The following GABRG3 variants were observed in gnomAD, a reference collection of about 807,000 sequenced individuals.
The protein encoded by GABRG3 is gamma-aminobutyric acid type A receptor subunit gamma3, also known as gamma-aminobutyric acid receptor subunit gamma-3.
A neutral mutation model predicts 48.8 loss-of-function variants in GABRG3; 25 were observed. The observed-to-expected ratio is 0.51, with a 90% confidence interval of 0.37 to 0.72. The LOEUF is 0.72. Among genes scored for constraint, GABRG3 ranks in the 30% least tolerant of loss-of-function variants. The pLI, the probability that GABRG3 is intolerant of heterozygous loss-of-function variation, is 0.00. For synonymous variants in GABRG3, 227 were observed against 217.6 expected (o/e 1.04, Z -0.38); for missense variants, 394 against 577.9 (o/e 0.68, Z 3.26).
intron 3 of GABRG3, among the ~76,000 whole-genome samples, chr15:27,086,003 G>A (rs1897069819): frequency 6.6e-6 from 1 of 151,992 alleles, no homozygotes; most frequent in Non-Finnish European, 1.5e-5. Context: ...CATTATATAT[G>A]GCAGAGCTCA....
chr15:27,008,174 C>T (rs1895622366), intron 2 of GABRG3, among the ~76,000 whole-genome samples: 1 of 152,128 alleles, frequency 6.6e-6, no homozygotes, highest in African/African-American at 2.4e-5. Context: ...AAAATAACAA[C>T]AGAAAAATTC....
intron 3 of GABRG3, among the ~76,000 whole-genome samples, chr15:27,189,498 T>C (rs1305468765): frequency 6.6e-6 from 1 of 151,978 alleles, no homozygotes. Flanking sequence ...CAATTGTGAA[T>C]GGGAGTTCAC....
chr15:27,206,714 T>C (rs1888863105), intron 3 of GABRG3, among the ~76,000 whole-genome samples: 1 of 152,188 alleles, frequency 6.6e-6, no homozygotes. Flanking sequence ...TACAAACTTG[T>C]TTTATGAGTC....
At chr15:27,393,312 C>T (rs372839814) in intron 5 of GABRG3, among the ~76,000 whole-genome samples, 3 of 149,374 alleles carry the variant, frequency 2.0e-5, no homozygotes, top group East Asian at 4.0e-4. Context: ...TCACTGCACT[C>T]CAGCCTGGGT....
intron 5 of GABRG3, among the ~76,000 whole-genome samples, chr15:27,425,326 G>T (rs1595746480): frequency 6.6e-6 from 1 of 151,978 alleles, no homozygotes; most frequent in South Asian, 2.1e-4. Flanking sequence ...GGGGATCCCT[G>T]ACCTTGCAGT....
At chr15:27,373,223 T>C (rs1341228488) in intron 5 of GABRG3, among the ~76,000 whole-genome samples, 4 of 152,206 alleles carry the variant, frequency 2.6e-5, no homozygotes, top group Non-Finnish European at 5.9e-5. Context: ...GCTTCTAAAT[T>C]ATAATTTTCA....
chr15:27,486,347 G>A lies in GABRG3; in HGVS notation c.712+5560G>A, dbSNP rs182696827. ...TATAGTCAAAACAATCAGGAGAAAG[G>A]CTGCTCTCGCATGGCTATGGCAAAA... On this transcript the variant is annotated intron_variant, in intron 6 of 9. Transcript: ENST00000615808. Among the ~76,000 whole-genome samples, 7 of 152,264 alleles carry A rather than the reference G, an allele frequency of 4.6e-5. No individual in the cohort carries two copies. In the South Asian group the frequency reaches 1.0e-3, roughly 23 times the overall value.
chr15:27,285,075 C>T (rs117564198), intron 3 of GABRG3, among the ~76,000 whole-genome samples: 8,211 of 152,162 alleles, frequency 0.054, 269 homozygotes, highest in Middle Eastern at 0.099. Flanking sequence ...AACTATGGGT[C>T]GTAGTTGCCT....
chr15:27,396,881 A>G (rs1199397415), intron 5 of GABRG3, among the ~76,000 whole-genome samples: 1 of 152,194 alleles, frequency 6.6e-6, no homozygotes, highest in Non-Finnish European at 1.5e-5. Context: ...GATTTTATTT[A>G]CATTCCTCTG....
intron 3 of GABRG3, among the ~76,000 whole-genome samples, chr15:27,083,926 T>C (rs1394943076): frequency 6.6e-6 from 1 of 152,210 alleles, no homozygotes; most frequent in East Asian, 1.9e-4. Context: ...TGCCAACCTT[T>C]CCCTGTCTAC....
intron 3 of GABRG3, among the ~76,000 whole-genome samples, chr15:27,321,369 C>A (rs1370090764): frequency 2.0e-5 from 3 of 152,188 alleles, no homozygotes; most frequent in Non-Finnish European, 4.4e-5. Context: ...ACCCTTGTGC[C>A]TGTGAAGCAG....
intron 5 of GABRG3, among the ~76,000 whole-genome samples, chr15:27,473,578 C>A (rs34549583): frequency 9.2e-5 from 14 of 152,054 alleles, no homozygotes; most frequent in African/African-American, 3.4e-4. Flanking sequence ...GGCTGATCAG[C>A]TTTTAGTTTT....
chr15:27,475,999 A>G (rs1889930165), intron 5 of GABRG3, among the ~76,000 whole-genome samples: 1 of 152,194 alleles, frequency 6.6e-6, no homozygotes, highest in Non-Finnish European at 1.5e-5. Context: ...GATGACCACT[A>G]CATTATAATG....
At chr15:27,242,553 C>G (rs369839924) in intron 3 of GABRG3, among the ~76,000 whole-genome samples, 34 of 152,302 alleles carry the variant, frequency 2.2e-4, no homozygotes, top group African/African-American at 7.7e-4. Context: ...CTCATTTCCT[C>G]TGAAAGAATT....
At chr15:27,414,327 T>C (rs1478550150) in intron 5 of GABRG3, among the ~76,000 whole-genome samples, 1 of 152,120 alleles carries the variant, frequency 6.6e-6, no homozygotes, top group Non-Finnish European at 1.5e-5. Flanking sequence ...GTTATTGTGC[T>C]CTCAGGTCAC....
intron 3 of GABRG3, among the ~76,000 whole-genome samples, chr15:27,128,261 G>C (rs1267783427): frequency 6.6e-6 from 1 of 152,210 alleles, no homozygotes. Context: ...TGGTGGAGGA[G>C]AGCTTGTGGC....
At chr15:27,155,987 G>T (rs925480777) in intron 3 of GABRG3, among the ~76,000 whole-genome samples, 3 of 152,082 alleles carry the variant, frequency 2.0e-5, no homozygotes, top group Admixed American at 6.5e-5. Context: ...GGCTAGAAAA[G>T]AGTGGTTATT....
intron 5 of GABRG3, among the ~76,000 whole-genome samples, chr15:27,368,103 G>A (rs1257972503): frequency 2.6e-5 from 4 of 152,212 alleles, no homozygotes; most frequent in Non-Finnish European, 5.9e-5. Flanking sequence ...GGGCCATCCA[G>A]CTGTAGGTCT....
At chr15:27,339,953 G>A (rs1319148988) in intron 5 of GABRG3, among the ~76,000 whole-genome samples, 1 of 152,140 alleles carries the variant, frequency 6.6e-6, no homozygotes, top group Non-Finnish European at 1.5e-5. Context: ...TTGATGGAGG[G>A]AGGAGGCGTT....
Sources: gnomAD v4.1 joint callset for allele counts (sites outside exome capture counted in the v4.1 genomes callset) on GRCh38, gnomAD v4.1.1 for gene constraint, MANE v1.5 for transcripts, NCBI Gene and HGNC (gene_info 2026-07-23, HGNC 2026-07-21) for gene names.